Variants in TRAPPC9 observed in about 807,000 individuals in gnomAD.
The protein encoded by TRAPPC9 is trafficking protein particle complex subunit 9.
Under a neutral mutation model 124.0 loss-of-function variants are expected in TRAPPC9, and 83 were observed. The ratio of observed to expected loss-of-function variants is 0.67; its 90% CI spans 0.56 to 0.80. The LOEUF is 0.80. Among genes scored for constraint, TRAPPC9 ranks in the 30% least tolerant of loss-of-function variants. The probability of loss-of-function intolerance (pLI) is 0.00; values close to 1 mark genes in which losing one functional copy is unlikely to be tolerated. For missense variants in TRAPPC9, 1,302 were observed against 1,508.3 expected (o/e 0.86, Z 2.27); for synonymous variants, 638 against 617.5 (o/e 1.03, Z -0.49).
chr8:140,203,273 C>T (rs1193440646), intron 17 of TRAPPC9, among the ~76,000 whole-genome samples: 3 of 152,182 alleles, frequency 2.0e-5, no homozygotes, highest in Non-Finnish European at 2.9e-5. Flanking sequence ...TATTCATATA[C>T]GCAGGTCATT....
intron 19 of TRAPPC9, among the ~76,000 whole-genome samples, chr8:139,975,199 G>A (rs1050616349): frequency 6.6e-6 from 1 of 152,208 alleles, no homozygotes; most frequent in African/African-American, 2.4e-5. Flanking sequence ...TGTGAATGAG[G>A]CTCCATACAC....
intron 17 of TRAPPC9, among the ~76,000 whole-genome samples, chr8:140,092,404 C>T (rs1309320371): frequency 6.6e-6 from 1 of 152,008 alleles, no homozygotes; most frequent in Non-Finnish European, 1.5e-5. Flanking sequence ...ACCATGTTGG[C>T]CAGGCTGGTC....
chr8:139,740,059 G>A (rs1273943700), intron 21 of TRAPPC9, among the ~76,000 whole-genome samples: 8 of 152,160 alleles, frequency 5.3e-5, no homozygotes, highest in Non-Finnish European at 7.3e-5. Context: ...CCAGAAGTGC[G>A]TCCTGAATGA....
At chr8:140,415,776 C>T (rs2069906451) in intron 5 of TRAPPC9, among the ~76,000 whole-genome samples, 1 of 151,998 alleles carries the variant, frequency 6.6e-6, no homozygotes, top group African/African-American at 2.4e-5. Flanking sequence ...CAAGACCGGG[C>T]TTGGTAACAT....
At chr8:140,290,907 T>C in intron 12 of TRAPPC9, 86 bp downstream of exon 12, 2 of 1,045,140 alleles carry the variant, frequency 1.9e-6, no homozygotes, top group Non-Finnish European at 3.0e-6. Context: ...TATCGTAAGA[T>C]GTGTGCCTCA....
chr8:140,327,169 C>T (rs981776559), intron 9 of TRAPPC9, among the ~76,000 whole-genome samples: 4 of 152,066 alleles, frequency 2.6e-5, no homozygotes, highest in African/African-American at 9.7e-5. Context: ...AGGAGAATTG[C>T]TTGAACCTGG....
intron 21 of TRAPPC9, among the ~76,000 whole-genome samples, chr8:139,750,769 A>G (rs1053990853): frequency 6.6e-6 from 1 of 152,188 alleles, no homozygotes; most frequent in Non-Finnish European, 1.5e-5. Flanking sequence ...CCTGTTCAAC[A>G]GGTCCCAGCC....
At chr8:140,018,573 C>T (rs1286409180) in intron 18 of TRAPPC9, among the ~76,000 whole-genome samples, 2 of 151,784 alleles carry the variant, frequency 1.3e-5, no homozygotes, top group African/African-American at 2.4e-5. Flanking sequence ...GTGATCCACC[C>T]ACCTCAGCCT....
chr8:139,735,012 G>T (rs927309418), intron 21 of TRAPPC9, among the ~76,000 whole-genome samples: 1 of 152,248 alleles, frequency 6.6e-6, no homozygotes, highest in African/African-American at 2.4e-5. Context: ...AAACCTGGGG[G>T]TCCTGAGGCC....
rs1818633864 is a variant in TRAPPC9, at chr8:139,742,534, G to A, written c.3056-10332C>T. ...ACAGCACAACACAACATGCAATCAG[G>A]GACCAGGCAAGTCAGGGGCCACCAG... On this transcript the variant is annotated intron_variant, in intron 21 of 22. Coordinates refer to ENST00000438773, the MANE Select transcript of TRAPPC9 (RefSeq NM_001160372.4). The surrounding 1 kb of genome is among the most constrained non-coding windows in gnomAD (Gnocchi z 4.7). 6.6e-6 allele frequency among the ~76,000 whole-genome samples: 1 copy of A among 152,180 alleles called. No individual in the cohort carries two copies. The highest frequency in any genetic ancestry group is 1.5e-5 in the Non-Finnish European group (1 of 68,042).
intron 9 of TRAPPC9, among the ~76,000 whole-genome samples, chr8:140,319,630 C>A (rs375135364): frequency 1.3e-5 from 2 of 152,106 alleles, no homozygotes; most frequent in Non-Finnish European, 2.9e-5. Context: ...CAACACCCAG[C>A]TAATTTTTCA....
At chr8:139,797,972 G>A (rs1283607141) in intron 21 of TRAPPC9, among the ~76,000 whole-genome samples, 1 of 152,152 alleles carries the variant, frequency 6.6e-6, no homozygotes, top group Admixed American at 6.5e-5. Context: ...GATTATTTTT[G>A]CTATTCTGAG....
chr8:140,388,116 C>T (rs968625902), intron 7 of TRAPPC9, among the ~76,000 whole-genome samples: 2 of 151,000 alleles, frequency 1.3e-5, no homozygotes, highest in Non-Finnish European at 2.9e-5. Context: ...AGCAAACTAT[C>T]GCAAGGACAA....
chr8:139,976,637 C>A (rs928784718), intron 19 of TRAPPC9, among the ~76,000 whole-genome samples: 2 of 152,184 alleles, frequency 1.3e-5, no homozygotes, highest in Non-Finnish European at 2.9e-5. Context: ...GCGCACGGCT[C>A]GTGAGGAGCT....
intron 17 of TRAPPC9, among the ~76,000 whole-genome samples, chr8:140,120,372 G>A (rs771700755): frequency 1.2e-4 from 19 of 152,218 alleles, no homozygotes; most frequent in Admixed American, 2.0e-4. Context: ...AGGAGAGATC[G>A]TTAGCATTTC....
chr8:140,341,827 G>A lies in TRAPPC9; in HGVS notation c.1495+18223C>T, dbSNP rs74947826. Among the ~76,000 whole-genome samples, 352 of 152,372 alleles carry A rather than the reference G, an allele frequency of 2.3e-3. 1 individual carries two copies. The highest frequency in any genetic ancestry group is 8.0e-3 in the African/African-American group (334 of 41,598). The stretch of plus-strand genomic sequence containing the variant: ...AAGCCAGAAGAAACTCACAGTACGT[G>A]TGTGTAGAGCCTCTGCTCTGGGCAC... On this transcript the variant is annotated intron_variant, in intron 9 of 22. Coordinates refer to ENST00000438773, the MANE Select transcript of TRAPPC9 (RefSeq NM_001160372.4).
chr8:140,279,481 T>C (rs977094943), intron 14 of TRAPPC9, among the ~76,000 whole-genome samples: 1 of 152,192 alleles, frequency 6.6e-6, no homozygotes, highest in Non-Finnish European at 1.5e-5. Context: ...ATATACATTA[T>C]ATACAATTTT....
intron 17 of TRAPPC9, among the ~76,000 whole-genome samples, chr8:140,189,693 A>AT (rs35013030): frequency 0.48 from 71,997 of 149,652 alleles, 17,315 homozygotes; most frequent in South Asian, 0.54. Context: ...AAGTTTCCAG[A>AT]TTTTTTTTTT....
intron 17 of TRAPPC9, among the ~76,000 whole-genome samples, chr8:140,025,859 T>C (rs1163765719): frequency 5.9e-5 from 9 of 152,214 alleles, no homozygotes. Flanking sequence ...ACATAAAAGT[T>C]ACCATTTTAA....
Sources: gnomAD v4.1 joint callset for allele counts (sites outside exome capture counted in the v4.1 genomes callset) on GRCh38, gnomAD v4.1.1 for gene constraint, Gnocchi (gnomAD v3.1) non-coding constraint, MANE v1.5 for transcripts, NCBI Gene and HGNC (gene_info 2026-07-23, HGNC 2026-07-21) for gene names.